Variants in TRIQK observed in about 807,000 individuals in gnomAD.
TRIQK encodes the protein triple QxxK/R motif-containing protein.
In TRIQK, 10 loss-of-function variants were observed where a neutral mutation model predicts 10.8. The ratio of observed to expected loss-of-function variants is 0.92; its 90% confidence interval spans 0.57 to 1.57. The LOEUF (loss-of-function observed/expected upper bound fraction) is 1.57, where lower values mean the gene tolerates loss of function less well. Among genes scored for constraint, TRIQK ranks in the 40% most tolerant of loss-of-function variants. The probability of loss-of-function intolerance (pLI) is 0.00; values close to 1 mark genes in which losing one functional copy is unlikely to be tolerated. For missense variants in TRIQK, 107 were observed against 97.7 expected (o/e 1.09, Z -0.40); for synonymous variants, 33 against 33.7 (o/e 0.98, Z 0.07).
intron 2 of TRIQK, among the ~76,000 whole-genome samples, chr8:92,944,260 T>C (rs1811408749): frequency 6.7e-6 from 1 of 149,460 alleles, no homozygotes; most frequent in South Asian, 2.1e-4. Flanking sequence ...GTCGTGGGAA[T>C]GTAAATTAGT....
At chr8:92,896,990 T>A (rs1808640000) in intron 3 of TRIQK, among the ~76,000 whole-genome samples, 1 of 152,110 alleles carries the variant, frequency 6.6e-6, no homozygotes, top group South Asian at 2.1e-4. Context: ...CTAATTTTTG[T>A]ATTTTTAGTA....
Position 92,886,692 on chromosome 8 carries a change from G to A in TRIQK, c.191C>T (p.Ala64Val), listed in dbSNP as rs1347969023. The A allele has an allele frequency of 2.0e-6, 3 of 1,532,834 alleles. No homozygotes were observed. Among genetic ancestry groups the A allele is most frequent in the African/African-American group, 1.4e-5 (1 of 72,672 alleles). The allele number at this position is 1,532,834 out of a possible 1,614,324, so 95.0% of individuals were successfully genotyped here. A position where few individuals can be genotyped will look rare whatever the true frequency, so the allele number is the denominator to read the frequency against. ...TCTGAGATAAAAGAAAGCATAGAAAGCCAGTAGTAGTGCCAATATAGCTGC... is the reference window on the plus strand; with the variant it reads ...TCTGAGATAAAAGAAAGCATAGAAAACCAGTAGTAGTGCCAATATAGCTGC... ...VLAAILALLLAFYAFFYLRLT... is the reference protein window; with the variant it reads ...VLAAILALLLVFYAFFYLRLT... The change falls in exon 5 of 5, where the codon GCT becomes GTT. Residue 64 changes from alanine (A) to valine (V), a missense_variant. Coordinates refer to ENST00000521988, the MANE Select transcript of TRIQK (RefSeq NM_001171797.2).
At chr8:92,917,118 C>CCTG in intron 2 of TRIQK, 108 bp from the exon 3 acceptor site, 1 of 491,184 alleles carries the variant, frequency 2.0e-6, no homozygotes, top group Non-Finnish European at 3.3e-6. Flanking sequence ...GGTACAAATA[C>CCTG]TTTGACTTAT....
upstream of TRIQK, among the ~76,000 whole-genome samples, chr8:92,967,728 A>G (rs1224037578): frequency 6.7e-6 from 1 of 150,004 alleles, no homozygotes; most frequent in East Asian, 2.0e-4. Context: ...AGCCTGAGGC[A>G]GGAGAATTGC....
At chr8:92,998,219 C>T (rs1236508590) in intron 1 of TRIQK, among the ~76,000 whole-genome samples, 1 of 151,838 alleles carries the variant, frequency 6.6e-6, no homozygotes, top group African/African-American at 2.4e-5. Context: ...TTAATGGTTA[C>T]ATTATATAAT....
intron 2 of TRIQK, among the ~76,000 whole-genome samples, chr8:92,934,177 T>C (rs1810869170): frequency 6.6e-6 from 1 of 151,952 alleles, no homozygotes; most frequent in Admixed American, 6.6e-5. Flanking sequence ...TAAAGAATAG[T>C]AGGGAAATGT....
intron 1 of TRIQK, among the ~76,000 whole-genome samples, chr8:93,003,522 C>T (rs1309460165): frequency 6.7e-6 from 1 of 148,672 alleles, no homozygotes; most frequent in Non-Finnish European, 1.5e-5. Context: ...GACACAGAGC[C>T]AAACCATGTC....
intron 1 of TRIQK, among the ~76,000 whole-genome samples, chr8:92,987,017 A>G (rs1471677336): frequency 2.6e-5 from 4 of 152,232 alleles, no homozygotes. Context: ...GAATAAATGA[A>G]ATGGTCAGCT....
intron 1 of TRIQK, among the ~76,000 whole-genome samples, chr8:92,996,752 G>A (rs1376582217): frequency 2.0e-5 from 3 of 151,936 alleles, no homozygotes; most frequent in African/African-American, 7.2e-5. Context: ...TTAGAGCTTG[G>A]GTAGACTGCT....
chr8:92,946,145 G>C (rs770353245), intron 2 of TRIQK, among the ~76,000 whole-genome samples: 3 of 152,198 alleles, frequency 2.0e-5, no homozygotes, highest in Middle Eastern at 3.4e-3. Flanking sequence ...AAATAGATCA[G>C]TGAAACAAAA....
chr8:93,009,722 G>C (rs1813313383), intron 1 of TRIQK, among the ~76,000 whole-genome samples: 1 of 152,002 alleles, frequency 6.6e-6, no homozygotes, highest in African/African-American at 2.4e-5. Flanking sequence ...CATTATGGAG[G>C]TTCCTCAAAA....
At chr8:92,940,028 G>A (rs906282062) in intron 2 of TRIQK, among the ~76,000 whole-genome samples, 7 of 152,136 alleles carry the variant, frequency 4.6e-5, no homozygotes, top group African/African-American at 1.4e-4. Context: ...CCACCTAATA[G>A]GAGAGCCCAG....
intron 2 of TRIQK, among the ~76,000 whole-genome samples, chr8:92,933,973 C>A (rs546954908): frequency 8.6e-5 from 13 of 151,978 alleles, no homozygotes; most frequent in African/African-American, 3.1e-4. Flanking sequence ...CCAAATTCAA[C>A]AAAAAAATCC....
At chr8:92,905,051 C>A (rs561309303) in intron 3 of TRIQK, among the ~76,000 whole-genome samples, 21 of 152,290 alleles carry the variant, frequency 1.4e-4, no homozygotes, top group African/African-American at 4.6e-4. Flanking sequence ...TGACACAACA[C>A]TCTTCTACTA....
chr8:92,993,002 T>C (rs980155016), intron 1 of TRIQK, among the ~76,000 whole-genome samples: 2 of 152,262 alleles, frequency 1.3e-5, no homozygotes, highest in Non-Finnish European at 2.9e-5. Flanking sequence ...TTTCATACAC[T>C]CCAATCAAAG....
chr8:92,995,896 G>A (rs566084968), intron 1 of TRIQK, among the ~76,000 whole-genome samples: 19 of 152,096 alleles, frequency 1.2e-4, no homozygotes, highest in Admixed American at 1.2e-3. Flanking sequence ...TAGTAGCTAT[G>A]TCAGGTTTCC....
intron 2 of TRIQK, chr8:92,928,155 T>A (rs1810537685): frequency 6.6e-6 from 1 of 152,166 alleles, no homozygotes; most frequent in Admixed American, 6.5e-5. Context: ...AATATGGGCA[T>A]AAGTGTTTAG....
chr8:92,939,552 C>A (rs1287624524), intron 2 of TRIQK, among the ~76,000 whole-genome samples: 2 of 152,110 alleles, frequency 1.3e-5, no homozygotes. Flanking sequence ...TGGCTCCACA[C>A]AACCAAAAAG....
intron 2 of TRIQK, among the ~76,000 whole-genome samples, chr8:92,948,820 GT>G (rs1811683131): frequency 6.6e-6 from 1 of 152,180 alleles, no homozygotes; most frequent in South Asian, 2.1e-4. Flanking sequence ...AATGCTTTGA[GT>G]TTTCAAAAAT....
Sources: allele counts gnomAD v4.1 joint callset (sites outside exome capture counted in the v4.1 genomes callset), GRCh38; gene constraint gnomAD v4.1.1; transcripts MANE v1.5; gene names NCBI Gene and HGNC (gene_info 2026-07-23, HGNC 2026-07-21).